PDE3A: variants seen among roughly 807,000 people sequenced by gnomAD.
PDE3A encodes the protein cGMP-inhibited 3',5'-cyclic phosphodiesterase 3A.
A neutral mutation model predicts 98.3 loss-of-function variants in PDE3A; 43 were observed. The observed-to-expected ratio is 0.44, with a 90% CI of 0.34 to 0.56. PDE3A has a LOEUF of 0.56. Among genes scored for constraint, PDE3A ranks in the 20% least tolerant of loss-of-function variants. The probability of loss-of-function intolerance (pLI) is 0.01; values close to 1 mark genes in which losing one functional copy is unlikely to be tolerated. For synonymous variants in PDE3A, 663 were observed against 567.9 expected, an observed-to-expected ratio of 1.17 and a Z score of -2.38; for missense variants, 1,427 against 1,440.7, an observed-to-expected ratio of 0.99 and a Z score of 0.15.
chr12:20,662,898 G>A (rs1945210523), intron 15 of PDE3A, among the ~76,000 whole-genome samples: 1 of 152,184 alleles, frequency 6.6e-6, no homozygotes, highest in African/African-American at 2.4e-5. Flanking sequence ...TGTCTCCAGG[G>A]CATGTCAGAG....
intron 1 of PDE3A, among the ~76,000 whole-genome samples, chr12:20,451,512 G>T (rs1325794356): frequency 6.6e-6 from 1 of 152,080 alleles, no homozygotes; most frequent in Non-Finnish European, 1.5e-5. Context: ...GGCCTCAAGT[G>T]ATCCGCCCAC....
At chr12:20,553,130 A>G in intron 1 of PDE3A, 1 of 821,692 alleles carries the variant, frequency 1.2e-6, no homozygotes. Context: ...CCGTTCCCTA[A>G]AAAGGTTTGT....
intron 2 of PDE3A, among the ~76,000 whole-genome samples, chr12:20,569,717 A>G (rs1253743028): frequency 6.6e-6 from 1 of 152,220 alleles, no homozygotes; most frequent in African/African-American, 2.4e-5. Context: ...AGGAGAAAAT[A>G]AAATTTTGCA....
At chr12:20,420,443 A>G (rs1470005378) in intron 1 of PDE3A, among the ~76,000 whole-genome samples, 1 of 152,182 alleles carries the variant, frequency 6.6e-6, no homozygotes, top group Non-Finnish European at 1.5e-5. Context: ...TGTAGGGTAG[A>G]GGCTACCCTG....
chr12:20,514,466 A>C (rs913104443), intron 1 of PDE3A, among the ~76,000 whole-genome samples: 2 of 152,214 alleles, frequency 1.3e-5, no homozygotes, highest in African/African-American at 4.8e-5. Flanking sequence ...ATTTGATGTG[A>C]AAATATATGC....
chr12:20,422,437 A>G (rs576374218), intron 1 of PDE3A, among the ~76,000 whole-genome samples: 29 of 152,314 alleles, frequency 1.9e-4, no homozygotes, highest in African/African-American at 6.7e-4. Flanking sequence ...GTAATTACAA[A>G]TGGGTATCAG....
At chr12:20,399,552 G>A (rs1367049990) in intron 1 of PDE3A, among the ~76,000 whole-genome samples, 1 of 152,054 alleles carries the variant, frequency 6.6e-6, no homozygotes, top group Non-Finnish European at 1.5e-5. Context: ...TTATTGCTTG[G>A]CTTGTCTTTA....
At chr12:20,663,708 C>T (rs1324904732) in intron 15 of PDE3A, among the ~76,000 whole-genome samples, 1 of 152,184 alleles carries the variant, frequency 6.6e-6, no homozygotes, top group Non-Finnish European at 1.5e-5. Flanking sequence ...AAGTAACTAA[C>T]TTGCTTTTGA....
chr12:20,530,131 G>A (rs995240330), intron 1 of PDE3A, among the ~76,000 whole-genome samples: 4 of 152,122 alleles, frequency 2.6e-5, no homozygotes, highest in Admixed American at 6.5e-5. Context: ...TTGAGGAGAC[G>A]AAAGTTATTC....
intron 1 of PDE3A, among the ~76,000 whole-genome samples, chr12:20,482,386 T>C (rs1945646827): frequency 6.6e-6 from 1 of 152,158 alleles, no homozygotes; most frequent in South Asian, 2.1e-4. Context: ...TGAATGAGCT[T>C]TACTTCAGTG....
chr12:20,601,651 A>G (rs1455930758), intron 2 of PDE3A, among the ~76,000 whole-genome samples: 1 of 152,210 alleles, frequency 6.6e-6, no homozygotes, highest in Non-Finnish European at 1.5e-5. Flanking sequence ...TGCAACTTAG[A>G]CAAATCATTA....
chr12:20,548,633 T>C (rs1409790635), intron 1 of PDE3A, among the ~76,000 whole-genome samples: 1 of 152,180 alleles, frequency 6.6e-6, no homozygotes, highest in Admixed American at 6.5e-5. Flanking sequence ...TTAATAAAGT[T>C]TCTCTTTTCC....
chr12:20,683,928 C>T lies in PDE3A; in HGVS notation c.*3657C>T, dbSNP rs1945873614. On this transcript the variant is annotated 3_prime_UTR_variant, in exon 16 of 16. Coordinates refer to ENST00000359062, the MANE Select transcript of PDE3A (RefSeq NM_000921.5). Reference sequence around the variant, plus strand: ...TGTAGACTGTTAATTTGCAATTTCCCCATATTTCCTGCCTATCTTACCCAG... The same window carrying T: ...TGTAGACTGTTAATTTGCAATTTCCTCATATTTCCTGCCTATCTTACCCAG... 1 of 152,062 alleles carries T rather than the reference C, an allele frequency of 6.6e-6. No individual in the cohort carries two copies. Among genetic ancestry groups the T allele is most frequent in the Non-Finnish European group, 1.5e-5 (1 of 68,014 alleles). 9.4% of individuals were successfully genotyped at this position (152,062 alleles called of 1,614,324 possible).
In PDE3A at chr12:20,491,363, C is replaced by T. The variant is rs530627339; in HGVS notation, c.961-65297C>T. On this transcript the variant is annotated intron_variant, in intron 1 of 15. Transcript: ENST00000359062. Reference sequence around the variant, plus strand: ...GAACATTCGTGTTTTCTTCTGGGAACGGGCAGAGAACTCCTCAAAACCAGA... The same window carrying T: ...GAACATTCGTGTTTTCTTCTGGGAATGGGCAGAGAACTCCTCAAAACCAGA... Among the ~76,000 whole-genome samples, 29 of 152,266 alleles carry T rather than the reference C, an allele frequency of 1.9e-4. No individual in the cohort carries two copies. In the South Asian group the frequency reaches 2.7e-3, roughly 14 times the overall value.
intron 4 of PDE3A, among the ~76,000 whole-genome samples, chr12:20,616,730 A>C (rs1944016940): frequency 6.6e-6 from 1 of 152,128 alleles, no homozygotes; most frequent in African/African-American, 2.4e-5. Flanking sequence ...ATACAACTTG[A>C]CATTTGCATT....
At chr12:20,457,745 TGTAAC>T (rs1232148919) in intron 1 of PDE3A, among the ~76,000 whole-genome samples, 1 of 152,000 alleles carries the variant, frequency 6.6e-6, no homozygotes, top group Non-Finnish European at 1.5e-5. Flanking sequence ...AAAAATAACT[TGTAAC>T]ATAATTAAAT....
chr12:20,372,608 T>G (rs1943496467), intron 1 of PDE3A, among the ~76,000 whole-genome samples: 1 of 152,134 alleles, frequency 6.6e-6, no homozygotes, highest in African/African-American at 2.4e-5. Context: ...TGTTTTATCA[T>G]AAGGAAACAA....
intron 1 of PDE3A, among the ~76,000 whole-genome samples, chr12:20,448,356 G>C (rs1483979198): frequency 6.6e-6 from 1 of 152,086 alleles, no homozygotes; most frequent in South Asian, 2.1e-4. Context: ...CAGGAGAATC[G>C]ATTGAACCCG....
chr12:20,583,498 T>C (rs923807779), intron 2 of PDE3A, among the ~76,000 whole-genome samples: 2 of 152,148 alleles, frequency 1.3e-5, no homozygotes, highest in African/African-American at 4.8e-5. Flanking sequence ...AATGAGATGG[T>C]ACTTTGTAGA....
Sources: gnomAD v4.1 joint callset for allele counts (sites outside exome capture counted in the v4.1 genomes callset) on GRCh38, gnomAD v4.1.1 for gene constraint, MANE v1.5 for transcripts, NCBI Gene and HGNC (gene_info 2026-07-23, HGNC 2026-07-21) for gene names.